Variants in SCARA3 observed in about 807,000 individuals in gnomAD.
The protein encoded by SCARA3 is scavenger receptor class A member 3.
A neutral mutation model predicts 47.0 loss-of-function variants in SCARA3; 39 were observed. The ratio of observed to expected loss-of-function variants is 0.83; its 90% CI spans 0.64 to 1.08. SCARA3 has a LOEUF of 1.08. Ranked by LOEUF, SCARA3 falls within the 50% of genes least tolerant of loss-of-function variation. The probability of loss-of-function intolerance (pLI) is 0.00; values close to 1 mark genes in which losing one functional copy is unlikely to be tolerated. For missense variants in SCARA3, 724 were observed against 792.3 expected (o/e 0.91, Z 1.04); for synonymous variants, 356 against 334.1 (o/e 1.07, Z -0.71).
chr8:27,666,298 A>T (rs1802013212), intron 5 of SCARA3, among the ~76,000 whole-genome samples: 2 of 152,164 alleles, frequency 1.3e-5, no homozygotes, highest in Non-Finnish European at 2.9e-5. Context: ...GGAGGGGAAA[A>T]GATGTCAGGC....
downstream of SCARA3, among the ~76,000 whole-genome samples, chr8:27,674,034 T>C (rs1420667456): frequency 6.6e-6 from 1 of 152,176 alleles, no homozygotes; most frequent in African/African-American, 2.4e-5. Flanking sequence ...TACTTTCCTA[T>C]TGGTGAGGGT....
At chr8:27,678,309 A>C (rs1408401828), downstream of SCARA3, among the ~76,000 whole-genome samples, 1 of 152,216 alleles carries the variant, frequency 6.6e-6, no homozygotes, top group Non-Finnish European at 1.5e-5. Context: ...TCAGAAATAA[A>C]AGAGGGAAGA....
At chr8:27,638,314 T>TTGTG (rs55695492) in intron 1 of SCARA3, among the ~76,000 whole-genome samples, 14,173 of 146,120 alleles carry the variant, frequency 0.097, 1,078 homozygotes, top group East Asian at 0.31. Flanking sequence ...AATTTAGTGA[T>TTGTG]TGTGTGTGTG....
the SCARA3 span, among the ~76,000 whole-genome samples, chr8:27,686,165 G>A: frequency 6.6e-6 from 1 of 152,124 alleles, no homozygotes; most frequent in African/African-American, 2.4e-5. Context: ...TTGTTGCTGG[G>A]CGTGGTGGCT....
the SCARA3 span, among the ~76,000 whole-genome samples, chr8:27,712,878 A>C: frequency 4.6e-5 from 7 of 152,162 alleles, no homozygotes; most frequent in African/African-American, 7.2e-5. Context: ...TGAAAAAAAA[A>C]CCTCAAACTC....
chr8:27,685,556 A>G, the SCARA3 span, among the ~76,000 whole-genome samples: 1 of 152,240 alleles, frequency 6.6e-6, no homozygotes, highest in Non-Finnish European at 1.5e-5. Context: ...CAGTTTTTGA[A>G]AAGTCTTATC....
chr8:27,671,784 T>G lies in SCARA3; in HGVS notation c.*433T>G. 1.0e-6 allele frequency: 1 copy of G among 993,310 alleles called. No homozygotes were observed. The highest frequency in any genetic ancestry group is 1.2e-6 in the Non-Finnish European group (1 of 835,548). The allele number at this position is 993,310 out of a possible 1,614,324, so 61.5% of individuals were successfully genotyped here. ...CACATGTACGCACACACACATGCAC[T>G]GCACACATATCCATGCACACAAACA... is the stretch of plus-strand genomic sequence containing the variant. On this transcript the variant is annotated 3_prime_UTR_variant, in exon 6 of 6. Transcript: ENST00000301904.
At chr8:27,666,380 T>A (rs370954787) in intron 5 of SCARA3, among the ~76,000 whole-genome samples, 1 of 152,212 alleles carries the variant, frequency 6.6e-6, no homozygotes, top group Non-Finnish European at 1.5e-5. Context: ...AGAAAGATGT[T>A]TTGGTCTTTC....
chr8:27,674,948 C>T (rs1335403595), downstream of SCARA3, among the ~76,000 whole-genome samples: 1 of 152,000 alleles, frequency 6.6e-6, no homozygotes, highest in Admixed American at 6.6e-5. Flanking sequence ...AGGATGGTCT[C>T]GATCTCTTGA....
At chr8:27,722,274 C>T in the SCARA3 span, among the ~76,000 whole-genome samples, 1 of 152,074 alleles carries the variant, frequency 6.6e-6, no homozygotes, top group East Asian at 1.9e-4. Flanking sequence ...AAGTATTGTG[C>T]AAATGGACTA....
downstream of SCARA3, among the ~76,000 whole-genome samples, chr8:27,681,635 T>C (rs564432030): frequency 1.0e-3 from 152 of 152,176 alleles, no homozygotes; most frequent in African/African-American, 3.4e-3. Context: ...GACAAGAGGA[T>C]TGCTTGAGCC....
Position 27,652,086 on chromosome 8 carries a change from G to A in SCARA3, c.226+459G>A, listed in dbSNP as rs34445455. On this transcript the variant is annotated intron_variant, in intron 3 of 5. Transcript: ENST00000301904. The stretch of plus-strand genomic sequence containing the variant: ...ATGGTCTGTGTGTTTCTAAAAGTGA[G>A]GCTGGATGCCTACCTGCAGCAATTT... Among the ~76,000 whole-genome samples the A allele has an allele frequency of 5.4e-3, 826 of 152,322 alleles. 22 individuals carry two copies. The highest frequency in any genetic ancestry group is 0.047 in the Admixed American group (726 of 15,298).
the SCARA3 span, among the ~76,000 whole-genome samples, chr8:27,723,383 C>A: frequency 1.3e-5 from 2 of 152,284 alleles, no homozygotes; most frequent in Non-Finnish European, 2.9e-5. Context: ...CTAACTCTAC[C>A]ACTTCCTTTT....
the SCARA3 span, among the ~76,000 whole-genome samples, chr8:27,696,465 A>AT: frequency 6.6e-6 from 1 of 151,516 alleles, no homozygotes; most frequent in Non-Finnish European, 1.5e-5. Context: ...TTGCTTTTAA[A>AT]TTTTTTTGGA....
chr8:27,658,564 C>T lies in SCARA3; in HGVS notation c.394C>T (p.Leu132=), dbSNP rs772557866. Residue 132 remains leucine (L), a synonymous_variant, in exon 5 of 6, where the codon CTG becomes TTG. Transcript: ENST00000301904. ...GCAGCTGGGGCCAGAGATCCGAAAA[C>T]TGCAGGAGGAGCTGGAGGGAATTCA... ...AGQLGPEIRK[L]QEELEGIQKL... The T allele has an allele frequency of 2.5e-6, 4 of 1,614,134 alleles. No individual in the cohort carries two copies. Among genetic ancestry groups the T allele is most frequent in the East Asian group, 4.5e-5 (2 of 44,878 alleles).
At chr8:27,676,753 A>G (rs777658908), downstream of SCARA3, 15 of 534,274 alleles carry the variant, frequency 2.8e-5, no homozygotes, top group Middle Eastern at 1.5e-3. Flanking sequence ...TAAATAAATA[A>G]ATTTACCTAT....
At position 27,671,638 on chromosome 8, in the gene SCARA3, G is replaced by A. The variant is rs937080954; in HGVS notation, c.*287G>A. ...CATGCACACATACACAGGCATACAT[G>A]CATGCACACACACATGCACGCACAC... On this transcript the variant is annotated 3_prime_UTR_variant, in exon 6 of 6. Transcript: ENST00000301904. 7 of 1,143,056 alleles carry A rather than the reference G, an allele frequency of 6.1e-6. No homozygotes were observed. In the African/African-American group the frequency reaches 8.3e-5, roughly 14 times the overall value. 70.8% of individuals were successfully genotyped at this position (1,143,056 alleles called of 1,614,324 possible).
Position 27,671,164 on chromosome 8 carries a change from C to T in SCARA3, c.1634C>T (p.Pro545Leu), listed in dbSNP as rs1006233257. Reference sequence around the variant, plus strand: ...CCAGGCCCAAAAGGGGACATAGGGCCCCCAGGGCCAGAAGGGCCCCCGGGG... The same window carrying T: ...CCAGGCCCAAAAGGGGACATAGGGCTCCCAGGGCCAGAAGGGCCCCCGGGG... ...GQPGPKGDIG[P>L]PGPEGPPGSP... The change falls in exon 6 of 6, where the codon CCC becomes CTC. Residue 545 changes from proline (P) to leucine (L), a missense_variant. Transcript: ENST00000301904. The T allele has an allele frequency of 9.1e-6, 14 of 1,532,062 alleles. No homozygotes were observed. In the African/African-American group the frequency reaches 1.5e-4, roughly 17 times the overall value. The allele number at this position is 1,532,062 out of a possible 1,614,324, so 94.9% of individuals were successfully genotyped here.
At chr8:27,635,812 A>G (rs1269169483) in intron 1 of SCARA3, among the ~76,000 whole-genome samples, 2 of 151,978 alleles carry the variant, frequency 1.3e-5, no homozygotes, top group African/African-American at 4.8e-5. Context: ...AAACACACAC[A>G]CTTTCCTTTT....
Sources: gnomAD v4.1 joint callset for allele counts (sites outside exome capture counted in the v4.1 genomes callset) on GRCh38, gnomAD v4.1.1 for gene constraint, MANE v1.5 for transcripts, NCBI Gene and HGNC (gene_info 2026-07-23, HGNC 2026-07-21) for gene names.